FSTL5: variants seen among roughly 807,000 people sequenced by gnomAD.
The protein encoded by FSTL5 is follistatin-related protein 5.
FSTL5 carries 62 observed loss-of-function variants against 89.1 expected under a neutral mutation model. That is an observed-to-expected ratio of 0.70 (90% confidence interval 0.57 to 0.86). The LOEUF is 0.86. FSTL5 is among the 40% of genes least tolerant of loss of function. The pLI is 0.00. For synonymous variants in FSTL5, 383 were observed against 346.2 expected (o/e 1.11, Z -1.18); for missense variants, 1,057 against 1,001.6 (o/e 1.06, Z -0.75).
At chr4:161,387,728 G>A (rs907222294) in intron 15 of FSTL5, 2 of 151,936 alleles carry the variant, frequency 1.3e-5, no homozygotes, top group Non-Finnish European at 2.9e-5. Context: ...GAAAGGGAGT[G>A]CCTACACACA....
chr4:161,479,212 T>C (rs1421252814), intron 13 of FSTL5, among the ~76,000 whole-genome samples: 1 of 152,134 alleles, frequency 6.6e-6, no homozygotes, highest in African/African-American at 2.4e-5. Context: ...TTGTGAAGTC[T>C]TTTAAGTTCC....
intron 4 of FSTL5, among the ~76,000 whole-genome samples, chr4:161,916,170 T>C (rs1031696641): frequency 3.3e-5 from 5 of 152,200 alleles, no homozygotes; most frequent in African/African-American, 1.2e-4. Flanking sequence ...CAAGTTGTTA[T>C]TGCTTGTGAT....
chr4:161,516,752 C>T (rs1730856010), intron 10 of FSTL5, among the ~76,000 whole-genome samples: 1 of 137,044 alleles, frequency 7.3e-6, no homozygotes. Flanking sequence ...CACACACACA[C>T]ACACACAATT....
chr4:162,152,451 G>T (rs561850866), intron 1 of FSTL5, among the ~76,000 whole-genome samples: 4 of 151,972 alleles, frequency 2.6e-5, no homozygotes, highest in Non-Finnish European at 5.9e-5. Context: ...TAATTTTTGC[G>T]TTTATTTTCT....
chr4:161,832,242 C>G (rs190901890), intron 4 of FSTL5, among the ~76,000 whole-genome samples: 1 of 152,040 alleles, frequency 6.6e-6, no homozygotes, highest in Admixed American at 6.6e-5. Context: ...CTGAACCAAA[C>G]GAATGAGCTG....
At chr4:162,100,988 T>C (rs1028275360) in intron 2 of FSTL5, among the ~76,000 whole-genome samples, 2 of 152,202 alleles carry the variant, frequency 1.3e-5, no homozygotes, top group Non-Finnish European at 2.9e-5. Flanking sequence ...TACTTACTGA[T>C]TGTATAATGA....
At chr4:161,894,460 G>A (rs1733089316) in intron 4 of FSTL5, among the ~76,000 whole-genome samples, 1 of 151,910 alleles carries the variant, frequency 6.6e-6, no homozygotes, top group South Asian at 2.1e-4. Flanking sequence ...ATATACAGAT[G>A]TTTCTTTCTC....
At chr4:161,437,565 C>CAAAAAACAAAAAAAAA (rs773433793) in intron 15 of FSTL5, among the ~76,000 whole-genome samples, 1 of 68,542 alleles carries the variant, frequency 1.5e-5, no homozygotes, top group Non-Finnish European at 2.4e-5. Context: ...GACTCCGTCT[C>CAAAAAACAAAAAAAAA]AAAAAAAAAA....
intron 7 of FSTL5, among the ~76,000 whole-genome samples, chr4:161,605,391 C>A (rs1203890997): frequency 6.6e-6 from 1 of 151,920 alleles, no homozygotes; most frequent in East Asian, 1.9e-4. Flanking sequence ...TATTTCTAGG[C>A]CCTAAAGATA....
chr4:161,460,413 G>A (rs1271882941), intron 13 of FSTL5, among the ~76,000 whole-genome samples: 1 of 74,090 alleles, frequency 1.3e-5, no homozygotes, highest in African/African-American at 4.1e-5. Context: ...AACAGGCCCG[G>A]GTGTGTGATG....
intron 2 of FSTL5, among the ~76,000 whole-genome samples, chr4:162,055,009 C>A (rs1203515359): frequency 2.6e-5 from 4 of 151,874 alleles, no homozygotes; most frequent in Non-Finnish European, 5.9e-5. Context: ...ATGGTGCTGT[C>A]AAATCCAGTT....
At chr4:161,694,662 C>T (rs986738455) in intron 6 of FSTL5, among the ~76,000 whole-genome samples, 10 of 151,886 alleles carry the variant, frequency 6.6e-5, no homozygotes, top group African/African-American at 2.2e-4. Context: ...TTTTTTTCCC[C>T]ATGAATGGGC....
chr4:161,871,983 A>C (rs1732276514), intron 4 of FSTL5, among the ~76,000 whole-genome samples: 1 of 123,408 alleles, frequency 8.1e-6, no homozygotes, highest in African/African-American at 2.8e-5. Context: ...AACATAATAA[A>C]ATAATTTTTT....
At chr4:161,836,947 T>C (rs915709168) in intron 4 of FSTL5, among the ~76,000 whole-genome samples, 3 of 152,076 alleles carry the variant, frequency 2.0e-5, no homozygotes, top group African/African-American at 7.2e-5. Context: ...TTTTGTGAAA[T>C]GGTAATGAGT....
intron 4 of FSTL5, among the ~76,000 whole-genome samples, chr4:161,849,539 ACAC>A (rs1731485773): frequency 6.6e-6 from 1 of 151,584 alleles, no homozygotes; most frequent in Non-Finnish European, 1.5e-5. Flanking sequence ...ACACACACAC[ACAC>A]ACACACACAC....
intron 4 of FSTL5, among the ~76,000 whole-genome samples, chr4:161,819,165 G>A (rs1022326808): frequency 6.6e-6 from 1 of 152,000 alleles, no homozygotes; most frequent in Admixed American, 6.5e-5. Context: ...AATATATGAA[G>A]TTATATGTTT....
At chr4:162,084,910 C>T (rs1039099167) in intron 2 of FSTL5, among the ~76,000 whole-genome samples, 4 of 151,984 alleles carry the variant, frequency 2.6e-5, no homozygotes, top group African/African-American at 9.7e-5. Context: ...TACCCCAGAA[C>T]TTAAAGTATA....
At chr4:161,583,304 G>A (rs1315094596) in intron 8 of FSTL5, among the ~76,000 whole-genome samples, 4 of 152,168 alleles carry the variant, frequency 2.6e-5, no homozygotes, top group Non-Finnish European at 5.9e-5. Context: ...AATTTCCACA[G>A]CCATTTTGAA....
At chr4:161,432,630 T>A (rs1732415648) in intron 15 of FSTL5, among the ~76,000 whole-genome samples, 2 of 150,554 alleles carry the variant, frequency 1.3e-5, no homozygotes, top group Admixed American at 1.3e-4. Context: ...ATAGAAAAGA[T>A]CAATGAAATG....
Sources: gnomAD v4.1 joint callset for allele counts (sites outside exome capture counted in the v4.1 genomes callset) on GRCh38, gnomAD v4.1.1 for gene constraint, MANE v1.5 for transcripts, NCBI Gene and HGNC (gene_info 2026-07-23, HGNC 2026-07-21) for gene names.